PLXNA2: variants seen among roughly 807,000 people sequenced by gnomAD.
PLXNA2 encodes plexin A2.
A neutral mutation model predicts 193.5 loss-of-function variants in PLXNA2; 91 were observed. The ratio of observed to expected loss-of-function variants is 0.47; its 90% CI spans 0.40 to 0.56. The LOEUF is 0.56. Ranked by LOEUF, PLXNA2 falls within the 20% of genes least tolerant of loss-of-function variation. The pLI is 0.00. For missense variants in PLXNA2, 1,995 were observed against 2,503.2 expected (o/e 0.80, Z 4.33); for synonymous variants, 997 against 1,027.3 (o/e 0.97, Z 0.56).
intron 1 of PLXNA2, among the ~76,000 whole-genome samples, chr1:208,242,850 A>G (rs1672105028): frequency 6.6e-6 from 1 of 152,192 alleles, no homozygotes; most frequent in South Asian, 2.1e-4. Flanking sequence ...AAAAAGGGCT[A>G]GAATTTTCTA....
chr1:208,086,128 T>G (rs1266923642), intron 9 of PLXNA2, among the ~76,000 whole-genome samples: 1 of 152,156 alleles, frequency 6.6e-6, no homozygotes, highest in Non-Finnish European at 1.5e-5. Context: ...ACACACAGAA[T>G]TACAATTTCT....
chr1:208,046,797 AGTGTGTGTGTGT>A lies in PLXNA2; in HGVS notation c.3256-692_3256-681del, dbSNP rs57420579. Among the ~76,000 whole-genome samples, 150 of 129,680 alleles carry A rather than the reference AGTGTGTGTGTGT, an allele frequency of 1.2e-3. 2 individuals are homozygous for A. The Middle Eastern group carries it at 0.029, about 25-fold the overall frequency. 85.1% of individuals were successfully genotyped at this position (129,680 alleles called of 152,430 possible). On this transcript the variant is annotated intron_variant, in intron 17 of 31. Coordinates refer to ENST00000367033, the MANE Select transcript of PLXNA2 (RefSeq NM_025179.4). Reference sequence around the variant, plus strand: ...AGAAAAAAGTAGGACAGAACAGCATAGTGTGTGTGTGTGTGTGTGTGTGTGTGTGTGTGTGTG... The same window carrying A: ...AGAAAAAAGTAGGACAGAACAGCATAGTGTGTGTGTGTGTGTGTGTGTGTG...
At position 208,223,498 on chromosome 1, in the gene PLXNA2, G is replaced by A. The variant is rs542725337; in HGVS notation, c.-80-5496C>T. ...GAGTGTGGCATTGGGCCTGGACAAC[G>A]AGGTGGTGCTCAGGGCAGATTCAAA... On this transcript the variant is annotated intron_variant, in intron 1 of 31. Coordinates refer to ENST00000367033, the MANE Select transcript of PLXNA2 (RefSeq NM_025179.4). 1.1e-4 allele frequency among the ~76,000 whole-genome samples: 16 copies of A among 152,300 alleles called. No homozygotes were observed. The South Asian group carries it at 1.7e-3, about 16-fold the overall frequency.
At chr1:208,207,109 G>A (rs1246559342) in intron 3 of PLXNA2, among the ~76,000 whole-genome samples, 3 of 152,232 alleles carry the variant, frequency 2.0e-5, no homozygotes, top group South Asian at 2.1e-4. Flanking sequence ...GGGTTCAAGC[G>A]ATTCTCCCAC....
chr1:208,214,837 G>C (rs1197995806), intron 2 of PLXNA2, among the ~76,000 whole-genome samples: 1 of 152,128 alleles, frequency 6.6e-6, no homozygotes, highest in Non-Finnish European at 1.5e-5. Context: ...GAGATGCTAA[G>C]GTGCTTCTGA....
At chr1:208,213,492 T>A (rs527356541) in intron 2 of PLXNA2, among the ~76,000 whole-genome samples, 1 of 152,210 alleles carries the variant, frequency 6.6e-6, no homozygotes, top group Non-Finnish European at 1.5e-5. Flanking sequence ...TCTTGCTTTA[T>A]GGGGTCATTG....
At chr1:208,242,456 A>T (rs1384561569) in intron 1 of PLXNA2, among the ~76,000 whole-genome samples, 3 of 152,190 alleles carry the variant, frequency 2.0e-5, no homozygotes, top group Non-Finnish European at 4.4e-5. Flanking sequence ...TGGGCCCCCA[A>T]GTGACTGCCT....
At chr1:208,111,594 T>A (rs1667477879) in intron 4 of PLXNA2, among the ~76,000 whole-genome samples, 1 of 152,152 alleles carries the variant, frequency 6.6e-6, no homozygotes, top group Non-Finnish European at 1.5e-5. Context: ...TATTTTGAGA[T>A]AAAGACAATA....
intron 29 of PLXNA2, chr1:208,030,210 T>G: frequency 1.0e-6 from 1 of 985,578 alleles, no homozygotes; most frequent in Non-Finnish European, 1.2e-6. Flanking sequence ...CCTCCCCTTC[T>G]TCTGGCAGCC....
chr1:208,096,174 C>T, intron 7 of PLXNA2, 49 bp from the exon 8 acceptor site: 1 of 1,375,162 alleles, frequency 7.3e-7, no homozygotes, highest in Non-Finnish European at 1.0e-6. Context: ...ACGTGGGGGA[C>T]CCAGTGGACA....
chr1:208,133,412 T>C (rs1302963936), intron 4 of PLXNA2, among the ~76,000 whole-genome samples: 2 of 152,228 alleles, frequency 1.3e-5, no homozygotes, highest in East Asian at 3.8e-4. Context: ...TATTGTTGCA[T>C]TGAAAACAGC....
Position 208,038,742 on chromosome 1 carries a change from C to T in PLXNA2, c.4660+83G>A. On this transcript the variant is annotated intron_variant, in intron 25 of 31. Coordinates refer to ENST00000367033, the MANE Select transcript of PLXNA2 (RefSeq NM_025179.4). The surrounding 1 kb of genome is among the most constrained non-coding windows in gnomAD (Gnocchi z 4.1). The stretch of plus-strand genomic sequence containing the variant: ...TCAGCTGGCCAGGACACAGTCATGC[C>T]CCTGCAAGGGTTGTGTGCATGGCAG... 1.4e-6 allele frequency: 2 copies of T among 1,411,744 alleles called. No individual in the cohort carries two copies. The highest frequency in any genetic ancestry group is 2.0e-6 in the Non-Finnish European group (2 of 1,012,100). 87.5% of individuals were successfully genotyped at this position (1,411,744 alleles called of 1,614,324 possible).
chr1:208,152,277 C>T (rs556657795), intron 3 of PLXNA2, among the ~76,000 whole-genome samples: 8 of 152,338 alleles, frequency 5.3e-5, no homozygotes, highest in Non-Finnish European at 8.8e-5. Context: ...AAAACACACA[C>T]ACACGTGGCA....
At chr1:208,181,239 TC>T (rs2102547432) in intron 3 of PLXNA2, among the ~76,000 whole-genome samples, 1 of 152,300 alleles carries the variant, frequency 6.6e-6, no homozygotes, top group Admixed American at 6.5e-5. Flanking sequence ...GCCTTTTCCT[TC>T]TGAGCAAGCC....
At chr1:208,067,272 A>G (rs1226189308) in intron 12 of PLXNA2, among the ~76,000 whole-genome samples, 2 of 151,442 alleles carry the variant, frequency 1.3e-5, no homozygotes, top group Non-Finnish European at 2.9e-5. Flanking sequence ...TGAAGCCGGG[A>G]GACAGAGGTT....
rs1288467474 is a variant in PLXNA2, at chr1:208,213,249, G to C, written c.1189-2787C>G. 2.6e-5 allele frequency among the ~76,000 whole-genome samples: 4 copies of C among 151,916 alleles called. No individual in the cohort carries two copies. In the East Asian group the frequency reaches 7.7e-4, roughly 29 times the overall value. On this transcript the variant is annotated intron_variant, in intron 2 of 31. Transcript: ENST00000367033. ...TCCTCAAGTTGTTTTTCAATATATT[G>C]TTAGATATTCCCAAACACCTGATGC...
intron 3 of PLXNA2, among the ~76,000 whole-genome samples, chr1:208,146,821 A>C: frequency 6.6e-6 from 1 of 152,114 alleles, no homozygotes; most frequent in East Asian, 1.9e-4. Flanking sequence ...CAAAGGAGGG[A>C]GGTGACAGGG....
intron 4 of PLXNA2, among the ~76,000 whole-genome samples, chr1:208,116,749 T>C (rs573725576): frequency 2.7e-4 from 41 of 152,318 alleles, no homozygotes; most frequent in Non-Finnish European, 5.7e-4. Context: ...GGCACCATGA[T>C]ACAATAATGC....
chr1:208,225,494 G>A (rs553822444), intron 1 of PLXNA2, among the ~76,000 whole-genome samples: 36 of 152,214 alleles, frequency 2.4e-4, no homozygotes, highest in Non-Finnish European at 4.4e-4. Context: ...TTTTATTTTT[G>A]TAGAGATGAG....
Sources: allele counts gnomAD v4.1 joint callset (sites outside exome capture counted in the v4.1 genomes callset), GRCh38; gene constraint gnomAD v4.1.1; non-coding constraint Gnocchi (gnomAD v3.1); transcripts MANE v1.5; gene names NCBI Gene and HGNC (gene_info 2026-07-23, HGNC 2026-07-21).